Variants in RAD51AP2 observed in about 807,000 individuals in gnomAD.
The protein encoded by RAD51AP2 is RAD51-associated protein 2.
In RAD51AP2, 67 loss-of-function variants were observed where a neutral mutation model predicts 85.5. That is an observed-to-expected ratio of 0.78 (90% CI 0.64 to 0.96). The LOEUF is 0.96. Ranked by LOEUF, RAD51AP2 falls within the 40% of genes least tolerant of loss-of-function variation. The pLI, the probability that RAD51AP2 is intolerant of heterozygous loss-of-function variation, is 0.00. For missense variants in RAD51AP2, 1,307 were observed against 1,332.4 expected (o/e 0.98, Z 0.30); for synonymous variants, 474 against 446.5 (o/e 1.06, Z -0.78).
In RAD51AP2 at chr2:17,516,178, T is replaced by G. The variant is rs768591279; in HGVS notation, c.2238A>C (p.Arg746=). 5 of 1,613,438 alleles carry G rather than the reference T, an allele frequency of 3.1e-6. No homozygotes were observed. The East Asian group carries it at 8.9e-5, about 29-fold the overall frequency. The change falls in exon 1 of 3, where the codon CGA becomes CGC. Residue 746 remains arginine (R), a synonymous_variant. Transcript: ENST00000399080. ...NSCPQFIQNN[R]GYINENFYEV... ...CATAAAAATTTTCATTAATGTATCCTCGGTTGTTCTGTATAAATTGAGGAC... is the reference window on the plus strand; with the variant it reads ...CATAAAAATTTTCATTAATGTATCCGCGGTTGTTCTGTATAAATTGAGGAC...
rs774761339 is a variant in RAD51AP2, at chr2:17,517,657, A to G, written c.759T>C (p.Asp253=). The change falls in exon 1 of 3, where the codon GAT becomes GAC. Residue 253 remains aspartate (D), a synonymous_variant. Transcript: ENST00000399080. Reference sequence around the variant, plus strand: ...ACTGAGGGACACTTATTGTGCCGCTATCTCTAAAATAGCTAGGTTTGGCAA... The same window carrying G: ...ACTGAGGGACACTTATTGTGCCGCTGTCTCTAAAATAGCTAGGTTTGGCAA... ...LEIAKPSYFR[D]SGTISVPQFP... is the part of the protein sequence containing the mutation. 1 of 1,613,958 alleles carries G rather than the reference A, an allele frequency of 6.2e-7. No homozygotes were observed. Among genetic ancestry groups the G allele is most frequent in the South Asian group, 1.1e-5 (1 of 90,956 alleles).
chr2:17,515,874 A>C lies in RAD51AP2; in HGVS notation c.2542T>G (p.Cys848Gly). Reference sequence around the variant, plus strand: ...ATCTTAGTATCTTTGTGAACTTGGCAACTATTTGTTAAACTTTCAGCTGTG... The same window carrying C: ...ATCTTAGTATCTTTGTGAACTTGGCCACTATTTGTTAAACTTTCAGCTGTG... Reference protein sequence around the residue: ...KVTAESLTNSCQVHKDTKIEK... With the variant: ...KVTAESLTNSGQVHKDTKIEK... Residue 848 changes from cysteine (C) to glycine (G), a missense_variant, in exon 1 of 3, where the codon TGC (cysteine) becomes GGC (glycine). Transcript: ENST00000399080. 6.2e-7 allele frequency: 1 copy of C among 1,606,614 alleles called. No individual in the cohort carries two copies. Among genetic ancestry groups the C allele is most frequent in the Non-Finnish European group, 8.5e-7 (1 of 1,177,934 alleles).
In RAD51AP2 at chr2:17,515,904, T is replaced by C; in HGVS notation, c.2512A>G (p.Lys838Glu). The C allele has an allele frequency of 6.2e-7, 1 of 1,603,802 alleles. No homozygotes were observed. The highest frequency in any genetic ancestry group is 1.3e-5 in the African/African-American group (1 of 74,270). The change falls in exon 1 of 3, where the codon AAA becomes GAA. Residue 838 changes from lysine (K) to glutamate (E), a missense_variant. Around this residue, in one of 3 missense-constraint regions of RAD51AP2, gnomAD observed 668 missense variants for 671.0 expected, o/e 1.00. Coordinates refer to ENST00000399080, the MANE Select transcript of RAD51AP2 (RefSeq NM_001099218.3). ...TTTGTTAAACTTTCAGCTGTGACTTTTACTTCCTCTTTCAAAATTAAGTCA... is the reference window on the plus strand; with the variant it reads ...TTTGTTAAACTTTCAGCTGTGACTTCTACTTCCTCTTTCAAAATTAAGTCA... ...KYDLILKEEV[K>E]VTAESLTNSC...
chr2:17,535,068 T>G, the RAD51AP2 span, among the ~76,000 whole-genome samples: 264 of 152,334 alleles, frequency 1.7e-3, no homozygotes, highest in Non-Finnish European at 2.1e-3. Context: ...TTAAGTATTT[T>G]CATATATACT....
chr2:17,528,682 A>G, the RAD51AP2 span, among the ~76,000 whole-genome samples: 3 of 152,104 alleles, frequency 2.0e-5, no homozygotes, highest in East Asian at 5.8e-4. Context: ...TCTCTACAAA[A>G]AATTTTAAAA....
Position 17,517,424 on chromosome 2 carries a change from T to G in RAD51AP2, c.992A>C (p.Tyr331Ser), listed in dbSNP as rs1572298343. The G allele has an allele frequency of 6.2e-7, 1 of 1,613,696 alleles. No individual in the cohort carries two copies. Among genetic ancestry groups the G allele is most frequent in the Non-Finnish European group, 8.5e-7 (1 of 1,179,878 alleles). The change falls in exon 1 of 3, where the codon TAC becomes TCC. Residue 331 changes from tyrosine to serine, a missense_variant. By Grantham distance (144) the Tyr-to-Ser change is moderately radical. Around this residue, in one of 3 missense-constraint regions of RAD51AP2, gnomAD observed 635 missense variants for 643.6 expected, o/e 0.99. Coordinates refer to ENST00000399080, the MANE Select transcript of RAD51AP2 (RefSeq NM_001099218.3). ...AGTATTTTGGCTACTGAGTGATGGG[T>G]AGTCATTTTCATAACATTTGGAAAA... The part of the protein sequence containing the change: ...NIFSKCYEND[Y>S]PSLSSQNTCK...
Position 17,516,429 on chromosome 2 carries a change from T to A in RAD51AP2, c.1987A>T (p.Lys663Ter). The A allele has an allele frequency of 6.3e-7, 1 of 1,592,564 alleles. No homozygotes were observed. Among genetic ancestry groups the A allele is most frequent in the Non-Finnish European group, 8.5e-7 (1 of 1,171,436 alleles). ...CTGAAGGAATTAATGAGTTTTTTCT[T>A]AGACTTTTCAAAAACTTGTTCAGTT... ...FRTEQVFEKSKKKLINSFSMT... is the reference protein window; with the variant it reads ...FRTEQVFEKS The change falls in exon 1 of 3, where the codon AAG (lysine) becomes TAG (stop). Residue 663 changes from lysine to a stop codon, truncating the protein, a stop_gained. Transcript: ENST00000399080. LOFTEE classifies it high-confidence loss of function.
chr2:17,526,062 T>A, the RAD51AP2 span, among the ~76,000 whole-genome samples: 243 of 151,864 alleles, frequency 1.6e-3, 2 homozygotes, highest in Middle Eastern at 3.4e-3. Context: ...ATGCTAATTA[T>A]GATATTATAT....
Position 17,517,198 on chromosome 2 carries a change from A to G in RAD51AP2, c.1218T>C (p.Asn406=), listed in dbSNP as rs774792563. 46 of 1,612,448 alleles carry G rather than the reference A, an allele frequency of 2.9e-5. No homozygotes were observed. The highest frequency in any genetic ancestry group is 3.6e-5 in the Non-Finnish European group (42 of 1,179,618). The change falls in exon 1 of 3, where the codon AAT becomes AAC. Residue 406 remains asparagine, a synonymous_variant. Transcript: ENST00000399080. ...TATTTATAATCCAACAATTTCCTCT[A>G]TTTCTTCTCAAAATATGTCTAACGT... is the stretch of plus-strand genomic sequence containing the variant. ...DCNVRHILRR[N]RGNCWIINNC... is the part of the protein sequence containing the mutation.
At chr2:17,533,737 G>C in the RAD51AP2 span, among the ~76,000 whole-genome samples, 1 of 152,122 alleles carries the variant, frequency 6.6e-6, no homozygotes, top group South Asian at 2.1e-4. Context: ...AACCTGGCCA[G>C]ATTCCATCTC....
At chr2:17,527,592 T>C in the RAD51AP2 span, among the ~76,000 whole-genome samples, 2 of 152,254 alleles carry the variant, frequency 1.3e-5, no homozygotes, top group South Asian at 2.1e-4. Context: ...ACAGGAATAA[T>C]ATATTTTAGA....
Position 17,517,228 on chromosome 2 carries a change from G to A in RAD51AP2, c.1188C>T (p.Asp396=). Residue 396 remains aspartate, a synonymous_variant, in exon 1 of 3, where the codon GAC becomes GAT. Coordinates refer to ENST00000399080, the MANE Select transcript of RAD51AP2 (RefSeq NM_001099218.3). ...LTRLEKSQNW[D]CNVRHILRRN... Reference sequence around the variant, plus strand: ...TTCTCAAAATATGTCTAACGTTACAGTCCCAGTTTTGAGATTTTTCCAGCC... The same window carrying A: ...TTCTCAAAATATGTCTAACGTTACAATCCCAGTTTTGAGATTTTTCCAGCC... 6.2e-7 allele frequency: 1 copy of A among 1,613,666 alleles called. No homozygotes were observed. The highest frequency in any genetic ancestry group is 2.2e-5 in the East Asian group (1 of 44,854).
In RAD51AP2 at chr2:17,516,026, C is replaced by T; in HGVS notation, c.2390G>A (p.Ser797Asn). 6.2e-7 allele frequency: 1 copy of T among 1,613,812 alleles called. No homozygotes were observed. ...CTCTTCATTATGTATTATGTTGTGG[C>T]TTGCTGGTATGGCCTGTTGCCTAAC... is the stretch of plus-strand genomic sequence containing the variant. ...CNVRQQAIPA[S>N]HNIIHNEETH... Residue 797 changes from serine (S) to asparagine (N), a missense_variant, in exon 1 of 3, where the codon AGC becomes AAC. By Grantham distance (46) the Ser-to-Asn change is conservative. This residue lies in a region of RAD51AP2 where 668 missense variants were observed against 671.0 expected (regional missense o/e 1.00). Coordinates refer to ENST00000399080, the MANE Select transcript of RAD51AP2 (RefSeq NM_001099218.3).
Position 17,516,228 on chromosome 2 carries a change from T to C in RAD51AP2, c.2188A>G (p.Thr730Ala), listed in dbSNP as rs1268471488. 12 of 1,613,112 alleles carry C rather than the reference T, an allele frequency of 7.4e-6. No individual in the cohort carries two copies. The highest frequency in any genetic ancestry group is 9.3e-6 in the Non-Finnish European group (11 of 1,179,660). The change falls in exon 1 of 3, where the codon ACT (threonine) becomes GCT (alanine). Residue 730 changes from threonine (T) to alanine (A), a missense_variant. Physicochemically the swap from Thr to Ala is moderately conservative, Grantham distance 58 (BLOSUM62 0). Transcript: ENST00000399080. ...CAAGAATTACCATGTGCTTTAACAGTACTAGAATTATAGTGAGCCCAATTT... is the reference window on the plus strand; with the variant it reads ...CAAGAATTACCATGTGCTTTAACAGCACTAGAATTATAGTGAGCCCAATTT... ...VENWAHYNSSTVKAHGNSCPQ... is the reference protein window; with the variant it reads ...VENWAHYNSSAVKAHGNSCPQ...
chr2:17,536,763 A>C, the RAD51AP2 span, among the ~76,000 whole-genome samples: 2 of 152,212 alleles, frequency 1.3e-5, no homozygotes, highest in South Asian at 4.1e-4. Flanking sequence ...AAGTTCATTA[A>C]AACTAGAATT....
the RAD51AP2 span, among the ~76,000 whole-genome samples, chr2:17,525,759 C>A: frequency 1.3e-5 from 2 of 152,004 alleles, no homozygotes; most frequent in African/African-American, 4.8e-5. Flanking sequence ...CAGAGGGACT[C>A]TAGAAATGAC....
the RAD51AP2 span, among the ~76,000 whole-genome samples, chr2:17,528,749 G>A: frequency 6.6e-6 from 1 of 152,128 alleles, no homozygotes; most frequent in African/African-American, 2.4e-5. Flanking sequence ...AGGCTGAAGG[G>A]GAGGATTGCT....
In RAD51AP2 at chr2:17,510,868, C is replaced by T. The variant is rs371220598; in HGVS notation, c.3416G>A (p.Arg1139Lys). 41 of 1,608,446 alleles carry T rather than the reference C, an allele frequency of 2.5e-5. No individual in the cohort carries two copies. In the Admixed American group the frequency reaches 5.0e-4, roughly 20 times the overall value. Reference sequence around the variant, plus strand: ...CAGATAAGGATGAAGTTGTTTAATCCTTGCTTTTCTTGACAAACCAATCCT... The same window carrying T: ...CAGATAAGGATGAAGTTGTTTAATCTTTGCTTTTCTTGACAAACCAATCCT... Reference protein sequence around the residue: ...PIRIGLSRKARIKQLHPYLKQ... With the variant: ...PIRIGLSRKAKIKQLHPYLKQ... The change falls in exon 3 of 3, where the codon AGG becomes AAG. Residue 1139 changes from arginine (R) to lysine (K), a missense_variant. Around this residue, in one of 3 missense-constraint regions of RAD51AP2, gnomAD observed 668 missense variants for 671.0 expected, o/e 1.00. Transcript: ENST00000399080.
intron 2 of RAD51AP2, among the ~76,000 whole-genome samples, chr2:17,511,624 T>G (rs999229669): frequency 8.5e-5 from 13 of 152,152 alleles, no homozygotes; most frequent in African/African-American, 3.1e-4. Flanking sequence ...GGTACATATA[T>G]AAAACCAAAA....
Sources: allele counts gnomAD v4.1 joint callset (sites outside exome capture counted in the v4.1 genomes callset), GRCh38; gene constraint gnomAD v4.1.1; regional missense constraint gnomAD v4.1.1; transcripts MANE v1.5; gene names NCBI Gene and HGNC (gene_info 2026-07-23, HGNC 2026-07-21).